Variants in OSBPL8 observed in about 807,000 individuals in gnomAD.
OSBPL8 encodes oxysterol-binding protein-related protein 8.
OSBPL8 carries 59 observed loss-of-function variants against 125.5 expected under a neutral mutation model. The ratio of observed to expected loss-of-function variants is 0.47; its 90% confidence interval spans 0.38 to 0.58. OSBPL8 has a LOEUF of 0.58. Ranked by LOEUF, OSBPL8 falls within the 20% of genes least tolerant of loss-of-function variation. The probability of loss-of-function intolerance (pLI) is 0.00; values close to 1 mark genes in which losing one functional copy is unlikely to be tolerated. For synonymous variants in OSBPL8, 330 were observed against 338.9 expected, an observed-to-expected ratio of 0.97 and a Z score of 0.29; for missense variants, 758 against 1,047.8, an observed-to-expected ratio of 0.72 and a Z score of 3.82.
chr12:76,404,000 G>C (rs1592614854), intron 5 of OSBPL8, among the ~76,000 whole-genome samples: 1 of 152,214 alleles, frequency 6.6e-6, no homozygotes, highest in Non-Finnish European at 1.5e-5. Flanking sequence ...TACTTGGTAT[G>C]AAAGATGGGC....
intron 1 of OSBPL8, among the ~76,000 whole-genome samples, chr12:76,494,263 ATC>A (rs1160605815): frequency 2.0e-5 from 3 of 152,180 alleles, no homozygotes; most frequent in African/African-American, 7.2e-5. Context: ...TGGAGTAATC[ATC>A]TCTTTCAGAC....
At chr12:76,431,964 T>C (rs1011548401) in intron 4 of OSBPL8, among the ~76,000 whole-genome samples, 6 of 152,140 alleles carry the variant, frequency 3.9e-5, no homozygotes, top group South Asian at 2.1e-4. Flanking sequence ...CTCTTCAGGA[T>C]AGATCCTATG....
chr12:76,458,084 C>G (rs1874276542), intron 3 of OSBPL8, among the ~76,000 whole-genome samples: 1 of 151,638 alleles, frequency 6.6e-6, no homozygotes, highest in Non-Finnish European at 1.5e-5. Context: ...CCAGCCTCGG[C>G]AATGTAGGAA....
intron 15 of OSBPL8, among the ~76,000 whole-genome samples, chr12:76,383,689 T>A (rs1310534587): frequency 6.6e-6 from 1 of 152,212 alleles, no homozygotes; most frequent in African/African-American, 2.4e-5. Flanking sequence ...TATAAAAGCA[T>A]TTTAAGGTTA....
chr12:76,529,477 G>C (rs147303651), intron 1 of OSBPL8, among the ~76,000 whole-genome samples: 1 of 147,014 alleles, frequency 6.8e-6, no homozygotes, highest in African/African-American at 2.5e-5. Context: ...ACTTGCCTTA[G>C]AATAGCAGTG....
At chr12:76,439,785 A>G (rs1468109365) in intron 4 of OSBPL8, among the ~76,000 whole-genome samples, 1 of 152,112 alleles carries the variant, frequency 6.6e-6, no homozygotes, top group Non-Finnish European at 1.5e-5. Context: ...ATTGGCTTAC[A>G]GTTGTTTATA....
At chr12:76,558,532 A>G (rs1592922748) in intron 1 of OSBPL8, among the ~76,000 whole-genome samples, 1 of 152,234 alleles carries the variant, frequency 6.6e-6, no homozygotes, top group East Asian at 1.9e-4. Context: ...AAAGGCAAAA[A>G]CATCATTAAA....
At chr12:76,426,373 C>T (rs1470050050) in intron 4 of OSBPL8, among the ~76,000 whole-genome samples, 1 of 152,176 alleles carries the variant, frequency 6.6e-6, no homozygotes, top group African/African-American at 2.4e-5. Flanking sequence ...CACTCAAATA[C>T]ACTCTGTTAA....
intron 1 of OSBPL8, among the ~76,000 whole-genome samples, chr12:76,514,465 A>T (rs1269820849): frequency 6.6e-6 from 1 of 152,038 alleles, no homozygotes; most frequent in Non-Finnish European, 1.5e-5. Flanking sequence ...TTTGTTGAAC[A>T]ATTTTTTCTT....
intron 1 of OSBPL8, among the ~76,000 whole-genome samples, chr12:76,540,797 T>G: frequency 6.6e-6 from 1 of 152,142 alleles, no homozygotes; most frequent in East Asian, 1.9e-4. Context: ...AATATATTAT[T>G]TGTAATTGAG....
At chr12:76,537,719 G>C (rs1171680102) in intron 1 of OSBPL8, among the ~76,000 whole-genome samples, 1 of 152,036 alleles carries the variant, frequency 6.6e-6, no homozygotes, top group Non-Finnish European at 1.5e-5. Context: ...GACCAGCCTG[G>C]TTAACATGGT....
At chr12:76,462,615 T>TA (rs148987624) in intron 2 of OSBPL8, among the ~76,000 whole-genome samples, 5,000 of 151,928 alleles carry the variant, frequency 0.033, 254 homozygotes, top group African/African-American at 0.11. Context: ...AACATTAACA[T>TA]AAAAAATGTT....
intron 21 of OSBPL8, among the ~76,000 whole-genome samples, chr12:76,360,170 A>G (rs374654022): frequency 1.3e-5 from 2 of 152,226 alleles, no homozygotes; most frequent in Non-Finnish European, 1.5e-5. Context: ...GTTACTTTCT[A>G]GATACAATGG....
At chr12:76,416,385 AGTT>A (rs1171988265) in intron 4 of OSBPL8, among the ~76,000 whole-genome samples, 2 of 151,998 alleles carry the variant, frequency 1.3e-5, no homozygotes, top group Non-Finnish European at 2.9e-5. Context: ...TATATTCTAT[AGTT>A]GTTGGGTATA....
chr12:76,381,476 T>A (rs568965428), intron 15 of OSBPL8, among the ~76,000 whole-genome samples: 38 of 152,322 alleles, frequency 2.5e-4, no homozygotes, highest in Admixed American at 1.3e-3. Flanking sequence ...TTAAGAAATT[T>A]GTCCATTTCA....
intron 1 of OSBPL8, among the ~76,000 whole-genome samples, chr12:76,559,073 A>T (rs758567968): frequency 2.0e-5 from 3 of 152,152 alleles, no homozygotes; most frequent in Non-Finnish European, 2.9e-5. Flanking sequence ...GCTCCCAACG[A>T]GGCCCATGCC....
chr12:76,528,718 C>A (rs1950250849), intron 1 of OSBPL8, among the ~76,000 whole-genome samples: 1 of 151,946 alleles, frequency 6.6e-6, no homozygotes, highest in Non-Finnish European at 1.5e-5. Flanking sequence ...ATAGTATTAG[C>A]TATAGCTATA....
intron 4 of OSBPL8, among the ~76,000 whole-genome samples, chr12:76,417,744 A>T (rs1376746515): frequency 1.3e-5 from 2 of 152,134 alleles, no homozygotes; most frequent in African/African-American, 2.4e-5. Context: ...TCCATTTTGA[A>T]AGTTTGCATT....
rs531339587 is a variant in OSBPL8, at chr12:76,528,140, G to C, written c.-68+31257C>G. The stretch of plus-strand genomic sequence containing the variant: ...GTTCAAGACCAGCCTGACCAACATG[G>C]TGAAACTCTGTTTCTACTAAAAATA... On this transcript the variant is annotated intron_variant, in intron 1 of 23. Transcript: ENST00000261183. 8.7e-4 allele frequency among the ~76,000 whole-genome samples: 132 copies of C among 152,188 alleles called. 1 individual carries two copies. Among genetic ancestry groups the C allele is most frequent in the African/African-American group, 2.9e-3 (121 of 41,530 alleles).
Sources: gnomAD v4.1 joint callset for allele counts (sites outside exome capture counted in the v4.1 genomes callset) on GRCh38, gnomAD v4.1.1 for gene constraint, MANE v1.5 for transcripts, NCBI Gene and HGNC (gene_info 2026-07-23, HGNC 2026-07-21) for gene names.